The following AKAP10 variants were observed in gnomAD, a reference collection of about 807,000 sequenced individuals.
AKAP10 encodes A-kinase anchor protein 10, mitochondrial.
AKAP10 carries 24 observed loss-of-function variants against 80.8 expected under a neutral mutation model. That is an observed-to-expected ratio of 0.30 (90% CI 0.22 to 0.42). The LOEUF is 0.42. AKAP10 is among the 10% of genes least tolerant of loss of function. AKAP10 has a pLI of 1.00. For synonymous variants in AKAP10, 291 were observed against 277.7 expected (o/e 1.05, Z -0.48); for missense variants, 661 against 794.9 (o/e 0.83, Z 2.03).
At chr17:19,951,927 A>G (rs1309232781) in intron 4 of AKAP10, among the ~76,000 whole-genome samples, 2 of 150,436 alleles carry the variant, frequency 1.3e-5, no homozygotes, top group Non-Finnish European at 3.0e-5. Context: ...AAAAAAAAAA[A>G]AAGCAAAAAA....
intron 10 of AKAP10, among the ~76,000 whole-genome samples, chr17:19,931,552 G>A (rs1394539323): frequency 1.3e-5 from 2 of 151,806 alleles, no homozygotes; most frequent in African/African-American, 2.4e-5. Context: ...CACCATGCCC[G>A]GCTAATTTTT....
chr17:19,960,130 A>G (rs2043331001), intron 3 of AKAP10, among the ~76,000 whole-genome samples: 3 of 152,176 alleles, frequency 2.0e-5, no homozygotes, highest in Admixed American at 1.3e-4. Context: ...AGTTTCTCCC[A>G]TGGTAACATC....
chr17:19,920,208 C>A, intron 11 of AKAP10, 90 bp from the exon 12 acceptor site: 1 of 974,382 alleles, frequency 1.0e-6, no homozygotes, highest in Non-Finnish European at 1.6e-6. Flanking sequence ...TCATCTAAAT[C>A]TAGAAAGCCA....
intron 11 of AKAP10, among the ~76,000 whole-genome samples, chr17:19,923,761 C>T (rs969374527): frequency 3.3e-5 from 5 of 151,088 alleles, no homozygotes; most frequent in African/African-American, 4.9e-5. Context: ...CTCCTGACCT[C>T]GTGATCCGCC....
chr17:19,945,216 G>C (rs1309165989), intron 5 of AKAP10, among the ~76,000 whole-genome samples: 1 of 150,142 alleles, frequency 6.7e-6, no homozygotes, highest in African/African-American at 2.4e-5. Flanking sequence ...ATTTGATTAA[G>C]CTTAAGTAAA....
chr17:19,928,553 A>G (rs2042898531), intron 10 of AKAP10, among the ~76,000 whole-genome samples: 1 of 152,182 alleles, frequency 6.6e-6, no homozygotes, highest in Non-Finnish European at 1.5e-5. Flanking sequence ...TGACTCAGCA[A>G]TTCTACTCCT....
At chr17:19,928,672 T>C (rs993858583) in intron 10 of AKAP10, among the ~76,000 whole-genome samples, 11 of 152,008 alleles carry the variant, frequency 7.2e-5, no homozygotes, top group South Asian at 4.2e-4. Flanking sequence ...AGGTCAAGAG[T>C]TCGAGACCAG....
intron 4 of AKAP10, among the ~76,000 whole-genome samples, chr17:19,956,014 G>T (rs1287187896): frequency 6.6e-6 from 1 of 152,118 alleles, no homozygotes; most frequent in Non-Finnish European, 1.5e-5. Context: ...AAACATTTGG[G>T]GCCAGTAGTA....
rs1464542328 is a variant in AKAP10 at position 19,947,460 on chromosome 17, G to A, written c.923C>T (p.Pro308Leu). The A allele has an allele frequency of 6.2e-7, 1 of 1,612,864 alleles. No homozygotes were observed. The highest frequency in any genetic ancestry group is 8.5e-7 in the Non-Finnish European group (1 of 1,179,080). ...AVNTFTKYIS[P>L]DAAKPIPITE... ...AATTGGTATTGGTTTAGCAGCATCT[G>A]GAGATATATATTTGGTAAAAGTATT... is the stretch of plus-strand genomic sequence containing the variant. Residue 308 changes from proline (P) to leucine (L), a missense_variant, in exon 5 of 15, where the codon CCA becomes CTA. Physicochemically the swap from Pro to Leu is moderately conservative, Grantham distance 98 (BLOSUM62 -3). Transcript: ENST00000225737.
At chr17:19,934,265 A>T (rs2042969108) in intron 9 of AKAP10, among the ~76,000 whole-genome samples, 1 of 152,196 alleles carries the variant, frequency 6.6e-6, no homozygotes, top group Non-Finnish European at 1.5e-5. Context: ...TTGTGATCAT[A>T]ATACCCAAAA....
Position 19,944,737 on chromosome 17 carries a change from G to T in AKAP10, c.976+2670C>A, listed in dbSNP as rs115002730. 4.1e-3 allele frequency among the ~76,000 whole-genome samples: 624 copies of T among 152,182 alleles called. 4 individuals are homozygous for T. Among genetic ancestry groups the T allele is most frequent in the African/African-American group, 0.015 (606 of 41,504 alleles). On this transcript the variant is annotated intron_variant, in intron 5 of 14. Coordinates refer to ENST00000225737, the MANE Select transcript of AKAP10 (RefSeq NM_007202.4). ...CATACCACTCACTTCCAAACCATCAGCAAATTCTGTCAGCTGTACCTTCAA... is the reference window on the plus strand; with the variant it reads ...CATACCACTCACTTCCAAACCATCATCAAATTCTGTCAGCTGTACCTTCAA...
chr17:19,913,211 C>T (rs917588287), intron 12 of AKAP10, among the ~76,000 whole-genome samples: 1 of 143,842 alleles, frequency 7.0e-6, no homozygotes, highest in South Asian at 2.2e-4. Flanking sequence ...TGGAGTTCAG[C>T]GGTGCAATCT....
chr17:19,950,327 C>T (rs1290047526), intron 4 of AKAP10, among the ~76,000 whole-genome samples: 2 of 152,236 alleles, frequency 1.3e-5, no homozygotes, highest in Non-Finnish European at 2.9e-5. Context: ...TCCCTCTCCC[C>T]GGTCTCCCTC....
chr17:19,964,103 T>C (rs905398648), intron 2 of AKAP10, among the ~76,000 whole-genome samples: 1 of 152,182 alleles, frequency 6.6e-6, no homozygotes, highest in Non-Finnish European at 1.5e-5. Flanking sequence ...TTTATTTTCA[T>C]GAGAAATTGG....
intron 3 of AKAP10, among the ~76,000 whole-genome samples, chr17:19,961,867 G>A (rs1335217475): frequency 6.6e-6 from 1 of 152,154 alleles, no homozygotes; most frequent in Admixed American, 6.5e-5. Flanking sequence ...GGTAATCCCA[G>A]CACTTTGGGA....
chr17:19,972,623 T>C (rs2152419871), intron 1 of AKAP10, among the ~76,000 whole-genome samples: 1 of 152,110 alleles, frequency 6.6e-6, no homozygotes, highest in South Asian at 2.1e-4. Flanking sequence ...GCCCGGCTAA[T>C]GTTTTGTATT....
intron 4 of AKAP10, among the ~76,000 whole-genome samples, 197 bp from the exon 5 acceptor site, chr17:19,947,702 A>C (rs895086612): frequency 6.6e-6 from 1 of 152,200 alleles, no homozygotes; most frequent in South Asian, 2.1e-4. Flanking sequence ...TGGAAAATGC[A>C]TATGATGAAA....
At chr17:19,956,570 T>C (rs1479207123) in intron 4 of AKAP10, among the ~76,000 whole-genome samples, 1 of 152,184 alleles carries the variant, frequency 6.6e-6, no homozygotes, top group African/African-American at 2.4e-5. Flanking sequence ...TTTTTTTCTT[T>C]GTTTGAGCTG....
intron 8 of AKAP10, among the ~76,000 whole-genome samples, chr17:19,937,541 TAAATC>T (rs1339353581): frequency 6.6e-6 from 1 of 152,096 alleles, no homozygotes; most frequent in Admixed American, 6.6e-5. Context: ...ACTCTCCTTT[TAAATC>T]AGCATTTTTG....
Sources: allele counts gnomAD v4.1 joint callset (sites outside exome capture counted in the v4.1 genomes callset), GRCh38; gene constraint gnomAD v4.1.1; transcripts MANE v1.5; gene names NCBI Gene and HGNC (gene_info 2026-07-23, HGNC 2026-07-21).